Variants in PHACTR1 observed in about 807,000 individuals in gnomAD.
PHACTR1 encodes the protein phosphatase and actin regulator 1, also known as RPEL repeat containing 1.
In PHACTR1, 16 loss-of-function variants were observed where a neutral mutation model predicts 69.2. That is an observed-to-expected ratio of 0.23 (90% CI 0.16 to 0.35). The LOEUF is 0.35. Ranked by LOEUF, PHACTR1 falls within the 10% of genes least tolerant of loss-of-function variation. The probability of loss-of-function intolerance (pLI) is 1.00; values close to 1 mark genes in which losing one functional copy is unlikely to be tolerated. For synonymous variants in PHACTR1, 312 were observed against 284.5 expected, an observed-to-expected ratio of 1.10 and a Z score of -0.97; for missense variants, 510 against 734.7, an observed-to-expected ratio of 0.69 and a Z score of 3.54.
intron 4 of PHACTR1, among the ~76,000 whole-genome samples, chr6:12,880,928 A>G (rs1029540501): frequency 2.0e-5 from 3 of 152,170 alleles, no homozygotes; most frequent in South Asian, 2.1e-4. Flanking sequence ...GTGATCTTTT[A>G]TCATGTAGAT....
chr6:13,206,059 C>T lies in PHACTR1; in HGVS notation c.909C>T (p.Leu303=), dbSNP rs757065744. ...GQHLPSTTGS[L]PMHPSGCRMI... is the part of the protein sequence containing the mutation. ...ACCTCCCCTCCACCACCGGCTCCCT[C>T]CCCATGCACCCCTCGGGCTGCAGAA... Residue 303 remains leucine, a synonymous_variant, in exon 8 of 15, where the codon CTC becomes CTT. Transcript: ENST00000332995. 4.3e-6 allele frequency: 7 copies of T among 1,613,696 alleles called. No individual in the cohort carries two copies. In the East Asian group the frequency reaches 1.3e-4, roughly 31 times the overall value.
chr6:12,849,816 A>G (rs893901657), intron 4 of PHACTR1, among the ~76,000 whole-genome samples: 1 of 152,192 alleles, frequency 6.6e-6, no homozygotes, highest in Non-Finnish European at 1.5e-5. Context: ...AAACAAAAAT[A>G]CACAATTCAT....
At chr6:12,763,042 C>T (rs1010339532) in intron 4 of PHACTR1, among the ~76,000 whole-genome samples, 4 of 151,952 alleles carry the variant, frequency 2.6e-5, no homozygotes, top group Admixed American at 1.3e-4. Flanking sequence ...GGAGAAACCC[C>T]GTCTCTACTA....
At chr6:12,848,406 A>G (rs1040131415) in intron 4 of PHACTR1, among the ~76,000 whole-genome samples, 6 of 152,098 alleles carry the variant, frequency 3.9e-5, no homozygotes, top group African/African-American at 7.2e-5. Context: ...TTCTCCTACT[A>G]TCATTTTTTC....
At chr6:13,109,919 T>C (rs1006394486) in intron 5 of PHACTR1, among the ~76,000 whole-genome samples, 1 of 151,810 alleles carries the variant, frequency 6.6e-6, no homozygotes, top group South Asian at 2.1e-4. Context: ...TCGCTGATCT[T>C]TTCTTTCATA....
At position 12,869,753 on chromosome 6, in the gene PHACTR1, G is replaced by C. The variant is rs146916163; in HGVS notation, c.250+119963G>C. On this transcript the variant is annotated intron_variant, in intron 4 of 14. Transcript: ENST00000332995. ...GGATCAGAATTTCTCTATCTTCTCT[G>C]TCTGTGGCTCTTTTTAGCCACCTCT... 3.8e-4 allele frequency among the ~76,000 whole-genome samples: 58 copies of C among 152,294 alleles called. 2 individuals carry two copies. The highest frequency in any genetic ancestry group is 1.3e-3 in the African/African-American group (55 of 41,562).
chr6:12,869,545 A>C (rs1781811173), intron 4 of PHACTR1, among the ~76,000 whole-genome samples: 1 of 152,068 alleles, frequency 6.6e-6, no homozygotes, highest in South Asian at 2.1e-4. Flanking sequence ...CCACCCTTGC[A>C]CCTTCCCCTG....
chr6:13,065,761 A>G (rs984930905), intron 5 of PHACTR1, among the ~76,000 whole-genome samples: 1 of 152,306 alleles, frequency 6.6e-6, no homozygotes, highest in South Asian at 2.1e-4. Context: ...TAAGCCAAAT[A>G]AATATATTTG....
chr6:12,727,617 A>T (rs1232565653), intron 3 of PHACTR1, among the ~76,000 whole-genome samples: 1 of 152,194 alleles, frequency 6.6e-6, no homozygotes, highest in Non-Finnish European at 1.5e-5. Flanking sequence ...CATACCACAC[A>T]TGAGAGGCAG....
At chr6:13,281,614 C>A in intron 12 of PHACTR1, 1 of 169,256 alleles carries the variant, frequency 5.9e-6, no homozygotes, top group Non-Finnish European at 1.3e-5. Flanking sequence ...GAGGTAAACC[C>A]AGCAAGTCCT....
chr6:12,755,640 GA>G (rs1170865880), intron 4 of PHACTR1, among the ~76,000 whole-genome samples: 6 of 152,144 alleles, frequency 3.9e-5, no homozygotes, highest in African/African-American at 1.4e-4. Flanking sequence ...AATATTCAGG[GA>G]TTATTCAAAT....
intron 4 of PHACTR1, among the ~76,000 whole-genome samples, chr6:12,772,887 C>G (rs1357902999): frequency 6.6e-6 from 1 of 152,140 alleles, no homozygotes; most frequent in Non-Finnish European, 1.5e-5. Context: ...GAATCGCAGA[C>G]AAGTGTTAGA....
intron 5 of PHACTR1, among the ~76,000 whole-genome samples, chr6:13,155,734 A>C (rs958165636): frequency 1.3e-5 from 2 of 152,140 alleles, no homozygotes; most frequent in Non-Finnish European, 2.9e-5. Flanking sequence ...CTAAAAATAC[A>C]AAAATTAGCC....
chr6:13,198,739 C>T (rs528309987), intron 7 of PHACTR1, among the ~76,000 whole-genome samples: 4 of 152,282 alleles, frequency 2.6e-5, no homozygotes, highest in South Asian at 4.2e-4. Flanking sequence ...GCATGCAGGC[C>T]GCCGGTTGGA....
chr6:12,967,915 G>C (rs1582749289), intron 4 of PHACTR1, among the ~76,000 whole-genome samples: 1 of 152,190 alleles, frequency 6.6e-6, no homozygotes, highest in African/African-American at 2.4e-5. Flanking sequence ...ACACTATCTT[G>C]AAAACAGGAA....
At chr6:12,757,757 A>T (rs1767507150) in intron 4 of PHACTR1, among the ~76,000 whole-genome samples, 1 of 152,114 alleles carries the variant, frequency 6.6e-6, no homozygotes, top group South Asian at 2.1e-4. Flanking sequence ...ATTGGTCAGG[A>T]GCTCAGAGAA....
intron 4 of PHACTR1, among the ~76,000 whole-genome samples, chr6:12,775,636 C>A (rs2127634287): frequency 6.6e-6 from 1 of 152,274 alleles, no homozygotes; most frequent in East Asian, 1.9e-4. Flanking sequence ...ATATGAGATA[C>A]AAAATGGGAT....
At chr6:13,184,932 G>A (rs749028243) in intron 7 of PHACTR1, 2 of 1,366,602 alleles carry the variant, frequency 1.5e-6, no homozygotes, top group East Asian at 9.1e-5. Flanking sequence ...CCCCAGTGAA[G>A]CAGCTGCCCC....
chr6:13,178,291 AC>A (rs1350861748), intron 6 of PHACTR1, among the ~76,000 whole-genome samples: 1 of 152,122 alleles, frequency 6.6e-6, no homozygotes, highest in Admixed American at 6.5e-5. Flanking sequence ...AGACAACACA[AC>A]TTCCTGCTTC....
Sources: gnomAD v4.1 joint callset for allele counts (sites outside exome capture counted in the v4.1 genomes callset) on GRCh38, gnomAD v4.1.1 for gene constraint, MANE v1.5 for transcripts, NCBI Gene and HGNC (gene_info 2026-07-23, HGNC 2026-07-21) for gene names.